NIPAL2: variants seen among roughly 807,000 people sequenced by gnomAD.
NIPAL2 encodes the protein NIPA-like protein 2.
Under a neutral mutation model 48.9 loss-of-function variants are expected in NIPAL2, and 43 were observed. That is an observed-to-expected ratio of 0.88 (90% CI 0.69 to 1.13). NIPAL2 has a LOEUF of 1.13. NIPAL2 is among the 50% of genes most tolerant of loss of function. The pLI is 0.00. For synonymous variants in NIPAL2, 167 were observed against 174.6 expected, an observed-to-expected ratio of 0.96 and a Z score of 0.34; for missense variants, 446 against 461.4, an observed-to-expected ratio of 0.97 and a Z score of 0.31.
chr8:98,224,755 C>CTTTTTTTTTTTTTTTTTTTTTTTTTTT (rs371936351), intron 4 of NIPAL2, among the ~76,000 whole-genome samples: 3 of 123,768 alleles, frequency 2.4e-5, no homozygotes, highest in Non-Finnish European at 4.9e-5. Context: ...TCTTTCTTTT[C>CTTTTTTTTTTTTTTTTTTTTTTTTTTT]TTTTTTTTTT....
intron 1 of NIPAL2, among the ~76,000 whole-genome samples, chr8:98,268,961 T>C (rs1378603565): frequency 3.3e-5 from 5 of 152,218 alleles, no homozygotes; most frequent in Admixed American, 2.6e-4. Context: ...ATTCCCAGCA[T>C]CTTCACAAGA....
chr8:98,236,362 C>A, intron 3 of NIPAL2, 148 bp from the exon 4 acceptor site: 1 of 532,230 alleles, frequency 1.9e-6, no homozygotes, highest in Middle Eastern at 2.9e-4. Flanking sequence ...TATAAAAAGG[C>A]CTTTCTTCCC....
Position 98,192,897 on chromosome 8 carries a change from G to A in NIPAL2, c.*81C>T, listed in dbSNP as rs543073300. ...CTAGCACATGTTAGCTTATAAAAGA[G>A]CTGCTGACACAAATTGAACATGTGC... On this transcript the variant is annotated 3_prime_UTR_variant, in exon 11 of 11. Transcript: ENST00000430223. 4 of 833,380 alleles carry A rather than the reference G, an allele frequency of 4.8e-6. No individual in the cohort carries two copies. In the East Asian group the frequency reaches 7.5e-5, roughly 16 times the overall value. 51.6% of individuals were successfully genotyped at this position (833,380 alleles called of 1,614,324 possible). A position where few individuals can be genotyped will look rare whatever the true frequency, so the allele number is the denominator to read the frequency against.
intron 1 of NIPAL2, among the ~76,000 whole-genome samples, chr8:98,269,108 A>G (rs944167316): frequency 6.6e-6 from 1 of 152,134 alleles, no homozygotes; most frequent in Non-Finnish European, 1.5e-5. Flanking sequence ...TGCTATTTCC[A>G]CCACATCTGC....
rs142079898 is a variant in NIPAL2 at position 98,222,485 on chromosome 8, G to A, written c.552C>T (p.Ile184=). Residue 184 remains isoleucine (I), a synonymous_variant, in exon 5 of 11, where the codon ATC becomes ATT. Coordinates refer to ENST00000430223, the MANE Select transcript of NIPAL2 (RefSeq NM_001321635.2). ...AAATATTTAGAATTCTTACCACATA[G>A]ATCAGGAACTGCCATCCGACAAGGT... ...QYYLVGWQFL[I]YVILEILIFC... 1.9e-6 allele frequency: 3 copies of A among 1,613,346 alleles called. No homozygotes were observed. Among genetic ancestry groups the A allele is most frequent in the Non-Finnish European group, 2.5e-6 (3 of 1,179,854 alleles).
intron 3 of NIPAL2, among the ~76,000 whole-genome samples, chr8:98,247,646 A>G (rs1465413128): frequency 1.3e-5 from 2 of 152,336 alleles, no homozygotes; most frequent in East Asian, 3.9e-4. Flanking sequence ...ACAGAAATAA[A>G]GTATTTTGAG....
intron 1 of NIPAL2, among the ~76,000 whole-genome samples, chr8:98,258,823 T>C (rs1380886249): frequency 6.6e-6 from 1 of 152,076 alleles, no homozygotes; most frequent in Non-Finnish European, 1.5e-5. Context: ...AAGGCATCCC[T>C]GGAGATTCTT....
At chr8:98,209,872 A>G (rs1811226294) in intron 6 of NIPAL2, among the ~76,000 whole-genome samples, 1 of 152,102 alleles carries the variant, frequency 6.6e-6, no homozygotes, top group Admixed American at 6.5e-5. Context: ...GGATTTGAAG[A>G]TATTACCTTT....
At chr8:98,223,736 A>T (rs947532358) in intron 4 of NIPAL2, among the ~76,000 whole-genome samples, 2 of 152,250 alleles carry the variant, frequency 1.3e-5, no homozygotes, top group African/African-American at 4.8e-5. Context: ...GCTACAAGGA[A>T]GTTTCCTATA....
At chr8:98,236,308 C>A in intron 3 of NIPAL2, 94 bp from the exon 4 acceptor site, 1 of 800,116 alleles carries the variant, frequency 1.2e-6, no homozygotes, top group Non-Finnish European at 2.1e-6. Flanking sequence ...GTGCCTTATG[C>A]CTGATGAGCT....
intron 4 of NIPAL2, among the ~76,000 whole-genome samples, chr8:98,229,303 C>T (rs1453515784): frequency 2.0e-5 from 3 of 152,138 alleles, no homozygotes; most frequent in Admixed American, 1.3e-4. Context: ...AACAGGTAAA[C>T]AAGCAAATCC....
chr8:98,219,145 G>A (rs1211616587), intron 5 of NIPAL2, among the ~76,000 whole-genome samples: 1 of 152,124 alleles, frequency 6.6e-6, no homozygotes, highest in African/African-American at 2.4e-5. Flanking sequence ...AGAGTTTGGG[G>A]GAGAAGATAG....
rs775625452 is a variant in NIPAL2 at position 98,193,006 on chromosome 8, C to T, written c.1124G>A (p.Ser375Asn). The change falls in exon 11 of 11, where the codon AGC becomes AAC. Residue 375 changes from serine (S) to asparagine (N), a missense_variant. Physicochemically the swap from Ser to Asn is conservative, Grantham distance 46. Transcript: ENST00000430223. ...TLPDGSDSTK[S>N]QSGEKKEV is the part of the protein sequence containing the mutation. ...GACCTCTTTCTTCTCTCCACTTTGG[C>T]TCTTTGTTGAGTCACTTCCATCAGG... 174 of 1,613,578 alleles carry T rather than the reference C, an allele frequency of 1.1e-4. No individual in the cohort carries two copies. The highest frequency in any genetic ancestry group is 1.1e-5 in the Non-Finnish European group (13 of 1,179,648).
At chr8:98,282,666 TG>T (rs1286508080) in intron 1 of NIPAL2, among the ~76,000 whole-genome samples, 3 of 152,232 alleles carry the variant, frequency 2.0e-5, no homozygotes, top group African/African-American at 7.2e-5. Context: ...AGTGAGACCC[TG>T]TCTCTAAAAA....
chr8:98,286,551 G>A (rs1361543838), intron 1 of NIPAL2, among the ~76,000 whole-genome samples: 1 of 152,168 alleles, frequency 6.6e-6, no homozygotes, highest in African/African-American at 2.4e-5. Flanking sequence ...GCTCATACCT[G>A]TAATCCCAGC....
At chr8:98,245,495 TAATG>T (rs1210275361) in intron 3 of NIPAL2, among the ~76,000 whole-genome samples, 1 of 152,228 alleles carries the variant, frequency 6.6e-6, no homozygotes, top group Non-Finnish European at 1.5e-5. Flanking sequence ...TTACTGAAGA[TAATG>T]AAGGAACTGT....
At chr8:98,211,733 AGT>A (rs1156409051) in intron 6 of NIPAL2, among the ~76,000 whole-genome samples, 2,233 of 109,138 alleles carry the variant, frequency 0.02, 27 homozygotes, top group South Asian at 0.034. Flanking sequence ...AGAGAGAGAA[AGT>A]GTGTGTGTGT....
At position 98,194,764 on chromosome 8, in the gene NIPAL2, G is replaced by A. The variant is rs1810467403; in HGVS notation, c.1003C>T (p.Leu335=). 2.5e-6 allele frequency: 4 copies of A among 1,576,324 alleles called. No individual in the cohort carries two copies. Among genetic ancestry groups the A allele is most frequent in the Non-Finnish European group, 3.4e-6 (4 of 1,165,072 alleles). The change falls in exon 10 of 11, where the codon CTG becomes TTG. Residue 335 remains leucine (L), a synonymous_variant. Transcript: ENST00000430223. ...CCAAAATCAATATAAGACTGTTGCA[G>A]ATGTTCCTTTTCTCGATTTCTTGTG... ...LVTRNREKEH[L]QQSYIDFGNI...
intron 3 of NIPAL2, among the ~76,000 whole-genome samples, chr8:98,246,677 C>G (rs922305326): frequency 1.3e-5 from 2 of 152,168 alleles, no homozygotes; most frequent in Admixed American, 6.5e-5. Flanking sequence ...ATTACTTTGT[C>G]TAAAGTATTG....
Sources: gnomAD v4.1 joint callset for allele counts (sites outside exome capture counted in the v4.1 genomes callset) on GRCh38, gnomAD v4.1.1 for gene constraint, MANE v1.5 for transcripts, NCBI Gene and HGNC (gene_info 2026-07-23, HGNC 2026-07-21) for gene names.